PLCH1: variants seen among roughly 807,000 people sequenced by gnomAD.
PLCH1 encodes the protein 1-phosphatidylinositol 4,5-bisphosphate phosphodiesterase eta-1.
Under a neutral mutation model 126.7 loss-of-function variants are expected in PLCH1, and 60 were observed. The ratio of observed to expected loss-of-function variants is 0.47; its 90% CI spans 0.38 to 0.59. PLCH1 has a LOEUF of 0.59. Among genes scored for constraint, PLCH1 ranks in the 20% least tolerant of loss-of-function variants. The pLI is 0.00. For missense variants in PLCH1, 1,723 were observed against 2,040.0 expected (o/e 0.84, Z 2.99); for synonymous variants, 719 against 734.9 (o/e 0.98, Z 0.35).
intron 14 of PLCH1, among the ~76,000 whole-genome samples, chr3:155,497,634 C>T (rs542602721): frequency 6.6e-6 from 1 of 152,324 alleles, no homozygotes; most frequent in East Asian, 1.9e-4. Context: ...CCTCACTTTC[C>T]CTTTCCAGAG....
At chr3:155,601,036 G>A (rs570583304) in intron 2 of PLCH1, among the ~76,000 whole-genome samples, 6 of 152,272 alleles carry the variant, frequency 3.9e-5, no homozygotes, top group Admixed American at 1.3e-4. Flanking sequence ...GTGCAGTGGC[G>A]TGATCTCGGC....
At chr3:155,708,363 G>A (rs1402117537) in intron 1 of PLCH1, among the ~76,000 whole-genome samples, 1 of 152,168 alleles carries the variant, frequency 6.6e-6, no homozygotes, top group Non-Finnish European at 1.5e-5. Context: ...CCAGGCCCTA[G>A]GGCTCACTAA....
chr3:155,716,341 AT>A (rs143010533), intron 1 of PLCH1, among the ~76,000 whole-genome samples: 31,890 of 152,080 alleles, frequency 0.21, 3,411 homozygotes, highest in South Asian at 0.27. Context: ...CTTCATGTCT[AT>A]CAGCTCAAAC....
intron 20 of PLCH1, 142 bp downstream of exon 20, chr3:155,488,518 T>C: frequency 2.6e-6 from 2 of 780,808 alleles, no homozygotes; most frequent in Non-Finnish European, 4.0e-6. Context: ...CTTTACATTT[T>C]ACAAAGTTTG....
At chr3:155,602,528 T>G (rs1733866203) in intron 2 of PLCH1, among the ~76,000 whole-genome samples, 3 of 144,722 alleles carry the variant, frequency 2.1e-5, no homozygotes. Flanking sequence ...TTTGTCATTG[T>G]GTGAACATCA....
chr3:155,716,940 G>A (rs964656243), intron 1 of PLCH1, among the ~76,000 whole-genome samples: 1 of 152,170 alleles, frequency 6.6e-6, no homozygotes, highest in Non-Finnish European at 1.5e-5. Flanking sequence ...TTCCACCTAT[G>A]AGCCTGTAAA....
intron 2 of PLCH1, among the ~76,000 whole-genome samples, chr3:155,664,196 T>C (rs1192743609): frequency 6.6e-6 from 1 of 152,204 alleles, no homozygotes; most frequent in African/African-American, 2.4e-5. Flanking sequence ...GGTGCCTGAT[T>C]ATCTTGGCTA....
chr3:155,464,317 C>T (rs1239504233), intron 21 of PLCH1, among the ~76,000 whole-genome samples: 1 of 152,168 alleles, frequency 6.6e-6, no homozygotes, highest in Non-Finnish European at 1.5e-5. Flanking sequence ...GAACCTTATT[C>T]TGTAAGTTGT....
intron 7 of PLCH1, 46 bp downstream of exon 7, chr3:155,568,185 C>T (rs761175938): frequency 2.4e-6 from 2 of 847,294 alleles, no homozygotes; most frequent in South Asian, 3.0e-5. Flanking sequence ...TTTAACTTAA[C>T]AGGCTGAATC....
At chr3:155,664,779 C>A (rs1179268792) in intron 2 of PLCH1, among the ~76,000 whole-genome samples, 1 of 152,146 alleles carries the variant, frequency 6.6e-6, no homozygotes, top group African/African-American at 2.4e-5. Flanking sequence ...AATTTAATCC[C>A]TCATACCAAC....
Position 155,575,498 on chromosome 3 carries a change from T to C in PLCH1, c.772-7174A>G, listed in dbSNP as rs114769513. Among the ~76,000 whole-genome samples the C allele has an allele frequency of 4.9e-3, 746 of 152,212 alleles. 8 individuals are homozygous for C. The highest frequency in any genetic ancestry group is 0.017 in the Middle Eastern group (5 of 294). On this transcript the variant is annotated intron_variant, in intron 6 of 22. Coordinates refer to ENST00000460012, the MANE Select transcript of PLCH1 (RefSeq NM_014996.4). ...TGTATAGATCTATATCAGATTACAATAAGGAGATGGCCCTGTAGCAGGGAA... is the reference window on the plus strand; with the variant it reads ...TGTATAGATCTATATCAGATTACAACAAGGAGATGGCCCTGTAGCAGGGAA...
At chr3:155,672,613 A>G (rs1010284139) in intron 2 of PLCH1, among the ~76,000 whole-genome samples, 1 of 152,222 alleles carries the variant, frequency 6.6e-6, no homozygotes, top group Non-Finnish European at 1.5e-5. Context: ...TGTTTGCCAT[A>G]AAAGAATAGG....
intron 2 of PLCH1, among the ~76,000 whole-genome samples, chr3:155,621,249 C>T (rs75591257): frequency 6.6e-6 from 1 of 152,152 alleles, no homozygotes; most frequent in Non-Finnish European, 1.5e-5. Context: ...TCAGAGACCC[C>T]ATCCGAAGGT....
At chr3:155,452,445 T>C (rs1033032103) in intron 21 of PLCH1, among the ~76,000 whole-genome samples, 1 of 152,092 alleles carries the variant, frequency 6.6e-6, no homozygotes, top group Non-Finnish European at 1.5e-5. Flanking sequence ...CTGGTTAACA[T>C]AGATGATTTT....
In PLCH1 at chr3:155,624,272, T is replaced by C. The variant is rs187832209; in HGVS notation, c.80-27894A>G. On this transcript the variant is annotated intron_variant, in intron 2 of 22. Coordinates refer to ENST00000460012, the MANE Select transcript of PLCH1 (RefSeq NM_014996.4). ...AGCTCAAAATAATAAGAGCTACTTA[T>C]GACAAACCCACAGCTAATATCATAC... Among the ~76,000 whole-genome samples, 211 of 152,326 alleles carry C rather than the reference T, an allele frequency of 1.4e-3. 1 individual carries two copies. The highest frequency in any genetic ancestry group is 5.0e-3 in the African/African-American group (206 of 41,578).
At chr3:155,565,186 C>A (rs1385825395) in intron 7 of PLCH1, 68 bp from the exon 8 acceptor site, 8 of 941,980 alleles carry the variant, frequency 8.5e-6, no homozygotes, top group Non-Finnish European at 1.3e-5. Flanking sequence ...CTAAGAGGGG[C>A]AAAAGGGGTC....
At chr3:155,732,896 A>AAAAAAAAAAAAAG (rs1748880083) in intron 1 of PLCH1, among the ~76,000 whole-genome samples, 1 of 151,634 alleles carries the variant, frequency 6.6e-6, no homozygotes. Context: ...AAAAAAAAAA[A>AAAAAAAAAAAAAG]AAAATCAGTT....
rs572802549 is a variant in PLCH1 at position 155,496,673 on chromosome 3, T to G, written c.1894+647A>C. Reference sequence around the variant, plus strand: ...AGATGAAAAGCCACATGACAGTAGGTTTTTTTTCTGTAAGCATTCAGTAAC... The same window carrying G: ...AGATGAAAAGCCACATGACAGTAGGGTTTTTTTCTGTAAGCATTCAGTAAC... On this transcript the variant is annotated intron_variant, in intron 15 of 22. Coordinates refer to ENST00000460012, the MANE Select transcript of PLCH1 (RefSeq NM_014996.4). Among the ~76,000 whole-genome samples, 6 of 78,688 alleles carry G rather than the reference T, an allele frequency of 7.6e-5. No homozygotes were observed. In the East Asian group the frequency reaches 3.3e-3, roughly 44 times the overall value. 51.6% of individuals were successfully genotyped at this position (78,688 alleles called of 152,430 possible).
intron 2 of PLCH1, among the ~76,000 whole-genome samples, chr3:155,663,603 C>T (rs1398095931): frequency 6.6e-6 from 1 of 152,158 alleles, no homozygotes; most frequent in Non-Finnish European, 1.5e-5. Context: ...AACATTTACC[C>T]ATTCCTTTTG....
Sources: gnomAD v4.1 joint callset for allele counts (sites outside exome capture counted in the v4.1 genomes callset) on GRCh38, gnomAD v4.1.1 for gene constraint, MANE v1.5 for transcripts, NCBI Gene and HGNC (gene_info 2026-07-23, HGNC 2026-07-21) for gene names.